Variants in THSD4 observed in about 807,000 individuals in gnomAD.
THSD4 encodes the protein thrombospondin type 1 domain containing 4.
THSD4 carries 69 observed loss-of-function variants against 119.0 expected under a neutral mutation model. The observed-to-expected ratio is 0.58, with a 90% CI of 0.48 to 0.71. The LOEUF (loss-of-function observed/expected upper bound fraction) is 0.71, where lower values mean the gene tolerates loss of function less well. Among genes scored for constraint, THSD4 ranks in the 30% least tolerant of loss-of-function variants. THSD4 has a pLI of 0.00. For missense variants in THSD4, 1,393 were observed against 1,391.1 expected (o/e 1.00, Z -0.02); for synonymous variants, 524 against 540.4 (o/e 0.97, Z 0.42).
At chr15:71,589,499 T>C (rs1328173151) in intron 7 of THSD4, among the ~76,000 whole-genome samples, 2 of 138,222 alleles carry the variant, frequency 1.4e-5, no homozygotes, top group African/African-American at 5.1e-5. Context: ...GGAAACACAG[T>C]CATGCATCAC....
chr15:71,355,606 G>C (rs776011699), intron 6 of THSD4, among the ~76,000 whole-genome samples: 1 of 152,146 alleles, frequency 6.6e-6, no homozygotes, highest in Non-Finnish European at 1.5e-5. Context: ...AAAGAGGACT[G>C]TCCCGGGTGC....
chr15:71,667,008 G>A (rs2051429692), intron 8 of THSD4, among the ~76,000 whole-genome samples: 1 of 152,160 alleles, frequency 6.6e-6, no homozygotes, highest in African/African-American at 2.4e-5. Flanking sequence ...ACATTTAATG[G>A]TGCACATATT....
intron 14 of THSD4, among the ~76,000 whole-genome samples, chr15:71,757,540 CCCA>C (rs2141193919): frequency 4.6e-5 from 7 of 152,196 alleles, no homozygotes; most frequent in Admixed American, 2.6e-4. Flanking sequence ...AAGCGATCCT[CCCA>C]CTTCAGCCTC....
Position 71,724,287 on chromosome 15 carries a change from A to ATATATAT in THSD4, c.1358-4261_1358-4260insATATATT. Among the ~76,000 whole-genome samples the ATATATAT allele has an allele frequency of 4.0e-4, 15 of 37,286 alleles. No individual in the cohort carries two copies. In the South Asian group the frequency reaches 6.1e-3, roughly 15 times the overall value. The allele number at this position is 37,286 out of a possible 152,430, so 24.5% of individuals were successfully genotyped here. ...ATGGGATATATATATATATATATATATTTTTTTTTTCCCCCCAAGATGGAA... is the reference window on the plus strand; with the variant it reads ...ATGGGATATATATATATATATATATATATATATTTTTTTTTTTCCCCCCAAGATGGAA... On this transcript the variant is annotated intron_variant, in intron 8 of 17. Transcript: ENST00000261862.
upstream of THSD4, chr15:71,112,101 C>T (rs1163390110): frequency 5.6e-6 from 9 of 1,612,886 alleles, no homozygotes; most frequent in East Asian, 2.2e-5. Flanking sequence ...CAGAAGGTTG[C>T]TCTCAGCAGT....
intron 7 of THSD4, among the ~76,000 whole-genome samples, chr15:71,531,684 T>G (rs1247141006): frequency 6.6e-6 from 1 of 152,250 alleles, no homozygotes; most frequent in Non-Finnish European, 1.5e-5. Flanking sequence ...CTTAACACAG[T>G]GCCTAGTGGC....
intron 7 of THSD4, among the ~76,000 whole-genome samples, chr15:71,592,935 T>G (rs1409862171): frequency 1.3e-5 from 2 of 152,132 alleles, no homozygotes; most frequent in African/African-American, 4.8e-5. Context: ...TTTGTTTTAA[T>G]GCAGAGCAGT....
At chr15:71,180,171 T>TAAAAAAAAAAAAAAA (rs61126896) in intron 3 of THSD4, among the ~76,000 whole-genome samples, 7 of 141,330 alleles carry the variant, frequency 5.0e-5, no homozygotes, top group African/African-American at 1.9e-4. Context: ...AAAAAAAAAA[T>TAAAAAAAAAAAAAAA]AAAAAAAAAA....
chr15:71,315,368 G>C (rs893513806), intron 6 of THSD4, among the ~76,000 whole-genome samples: 11 of 152,196 alleles, frequency 7.2e-5, no homozygotes, highest in African/African-American at 2.7e-4. Context: ...ATGACACTGA[G>C]CCTTGCATGA....
At chr15:71,435,897 T>G (rs2047006481) in intron 7 of THSD4, among the ~76,000 whole-genome samples, 1 of 152,166 alleles carries the variant, frequency 6.6e-6, no homozygotes, top group East Asian at 1.9e-4. Context: ...TAGGACAGAC[T>G]CCACTGACAG....
intron 14 of THSD4, among the ~76,000 whole-genome samples, chr15:71,755,973 G>A (rs1024826642): frequency 2.6e-5 from 4 of 152,144 alleles, no homozygotes; most frequent in Non-Finnish European, 5.9e-5. Context: ...TGTGATCAGG[G>A]AATAATAGCC....
intron 1 of THSD4, among the ~76,000 whole-genome samples, chr15:71,128,481 C>G (rs2040473928): frequency 6.8e-6 from 1 of 147,968 alleles, no homozygotes; most frequent in Admixed American, 6.8e-5. Context: ...GAGCCAAGAT[C>G]ACGCCACTGC....
In THSD4 at chr15:71,700,895, A is replaced by G. The variant is rs981898981; in HGVS notation, c.1358-27654A>G. On this transcript the variant is annotated intron_variant, in intron 8 of 17. Coordinates refer to ENST00000261862, the MANE Select transcript of THSD4 (RefSeq NM_024817.3). ...ATACCAAGATAAAAACTATAAATAT[A>G]CCAAAAGAAAATATAGAAAAATAAA... is the stretch of plus-strand genomic sequence containing the variant. 6.6e-5 allele frequency among the ~76,000 whole-genome samples: 10 copies of G among 152,102 alleles called. No homozygotes were observed. In the South Asian group the frequency reaches 8.3e-4, roughly 13 times the overall value.
chr15:71,505,198 C>T (rs1426206017), intron 7 of THSD4, among the ~76,000 whole-genome samples: 2 of 151,866 alleles, frequency 1.3e-5, no homozygotes, highest in East Asian at 3.9e-4. Flanking sequence ...CCTCCCCATC[C>T]TTGCAGGATT....
At chr15:71,170,469 C>T (rs1337943205) in intron 3 of THSD4, among the ~76,000 whole-genome samples, 2 of 152,118 alleles carry the variant, frequency 1.3e-5, no homozygotes, top group Non-Finnish European at 2.9e-5. Context: ...AGGAAGCTCT[C>T]ACCTCAGTAT....
intron 1 of THSD4, chr15:71,110,361 C>T (rs1167806983): frequency 6.6e-6 from 1 of 152,138 alleles, no homozygotes; most frequent in Non-Finnish European, 1.5e-5. Flanking sequence ...CTTTTTCTCC[C>T]TCTCCCTTTG....
At chr15:71,756,334 G>C (rs527373983) in intron 14 of THSD4, among the ~76,000 whole-genome samples, 1 of 152,328 alleles carries the variant, frequency 6.6e-6, no homozygotes, top group South Asian at 2.1e-4. Flanking sequence ...GATGTTGGAA[G>C]CAAGAGGGTA....
At chr15:71,601,553 G>C (rs1219585647) in intron 7 of THSD4, among the ~76,000 whole-genome samples, 1 of 152,222 alleles carries the variant, frequency 6.6e-6, no homozygotes, top group African/African-American at 2.4e-5. Flanking sequence ...CCAGTCTTTG[G>C]TGAAAGACTT....
At chr15:71,657,597 G>A (rs892518755) in intron 7 of THSD4, among the ~76,000 whole-genome samples, 1 of 152,198 alleles carries the variant, frequency 6.6e-6, no homozygotes, top group East Asian at 1.9e-4. Flanking sequence ...GGCCTGGGTA[G>A]CCACTAGAAC....
Sources: gnomAD v4.1 joint callset for allele counts (sites outside exome capture counted in the v4.1 genomes callset) on GRCh38, gnomAD v4.1.1 for gene constraint, MANE v1.5 for transcripts, NCBI Gene and HGNC (gene_info 2026-07-23, HGNC 2026-07-21) for gene names.